Variants in NR2C2 observed in about 807,000 individuals in gnomAD.
NR2C2 encodes nuclear receptor subfamily 2 group C member 2.
A neutral mutation model predicts 62.9 loss-of-function variants in NR2C2; 6 were observed. That is an observed-to-expected ratio of 0.10 (90% CI 0.05 to 0.19). NR2C2 has a LOEUF of 0.19. NR2C2 is among the 10% of genes least tolerant of loss of function. The probability of loss-of-function intolerance (pLI) is 1.00; values close to 1 mark genes in which losing one functional copy is unlikely to be tolerated. For synonymous variants in NR2C2, 272 were observed against 273.8 expected (o/e 0.99, Z 0.07); for missense variants, 479 against 762.7 (o/e 0.63, Z 4.38).
intron 2 of NR2C2, among the ~76,000 whole-genome samples, chr3:15,013,386 A>G (rs1397649455): frequency 6.6e-6 from 1 of 152,254 alleles, no homozygotes; most frequent in African/African-American, 2.4e-5. Context: ...GTCCTAGACT[A>G]AAATTAGCTT....
At chr3:15,030,178 C>A in intron 8 of NR2C2, 97 bp from the exon 9 acceptor site, 1 of 1,024,724 alleles carries the variant, frequency 9.8e-7, no homozygotes, top group Non-Finnish European at 1.4e-6. Context: ...ATTTAATTAT[C>A]TTTTCCCACT....
At chr3:14,960,525 T>C (rs2039662065) in intron 1 of NR2C2, among the ~76,000 whole-genome samples, 1 of 152,222 alleles carries the variant, frequency 6.6e-6, no homozygotes, top group South Asian at 2.1e-4. Flanking sequence ...CATAATTTGA[T>C]GTATCAAGCC....
chr3:14,974,214 G>A (rs754463391), intron 1 of NR2C2, among the ~76,000 whole-genome samples: 9 of 152,052 alleles, frequency 5.9e-5, no homozygotes, highest in Non-Finnish European at 1.3e-4. Flanking sequence ...ATTTCACTTA[G>A]CATAATATCC....
At chr3:15,000,747 T>C (rs573693809) in intron 1 of NR2C2, among the ~76,000 whole-genome samples, 5 of 152,270 alleles carry the variant, frequency 3.3e-5, no homozygotes, top group East Asian at 1.9e-4. Flanking sequence ...ATTGAATCTT[T>C]AGATCAATTT....
intron 1 of NR2C2, among the ~76,000 whole-genome samples, chr3:14,999,256 C>A (rs933902243): frequency 6.6e-6 from 1 of 151,866 alleles, no homozygotes; most frequent in Non-Finnish European, 1.5e-5. Flanking sequence ...GCAGAGGTTG[C>A]GATGAGCCGA....
intron 1 of NR2C2, among the ~76,000 whole-genome samples, chr3:14,970,912 G>T (rs1003897007): frequency 1.3e-5 from 2 of 152,108 alleles, no homozygotes; most frequent in Non-Finnish European, 2.9e-5. Context: ...ATATGCATTT[G>T]GTAGAAGCCA....
In NR2C2 at chr3:15,045,074, C is replaced by CA. The variant is rs1428388191; in HGVS notation, c.*2072dup. 1.3e-5 allele frequency: 2 copies of CA among 152,120 alleles called. No individual in the cohort carries two copies. Among genetic ancestry groups the CA allele is most frequent in the African/African-American group, 2.4e-5 (1 of 41,430 alleles). The allele number at this position is 152,120 out of a possible 1,614,324, so 9.4% of individuals were successfully genotyped here. On this transcript the variant is annotated 3_prime_UTR_variant, in exon 14 of 14. Transcript: ENST00000425241. ...TGTGTTTTCAGTTTCAAAATTAAGA[C>CA]AAAAAACCAGCTGAGACAATGGAAT... is the stretch of plus-strand genomic sequence containing the variant.
At chr3:15,017,364 C>T (rs1431850014) in intron 4 of NR2C2, among the ~76,000 whole-genome samples, 1 of 152,196 alleles carries the variant, frequency 6.6e-6, no homozygotes, top group Non-Finnish European at 1.5e-5. Flanking sequence ...ATTGCCCTTT[C>T]CTACAGATTA....
intron 1 of NR2C2, among the ~76,000 whole-genome samples, chr3:14,964,069 AC>A (rs2039766789): frequency 1.3e-5 from 2 of 152,228 alleles, no homozygotes; most frequent in Non-Finnish European, 2.9e-5. Context: ...TCCTCATTTA[AC>A]GTTATCAGTG....
At position 14,998,874 on chromosome 3, in the gene NR2C2, C is replaced by T. The variant is rs533184279; in HGVS notation, c.-39-5002C>T. Among the ~76,000 whole-genome samples the T allele has an allele frequency of 1.1e-4, 16 of 152,064 alleles. 1 individual carries two copies. Among genetic ancestry groups the T allele is most frequent in the Admixed American group, 7.9e-4 (12 of 15,282 alleles). On this transcript the variant is annotated intron_variant, in intron 1 of 13. Coordinates refer to ENST00000425241, the MANE Select transcript of NR2C2 (RefSeq NM_001291694.2). The stretch of plus-strand genomic sequence containing the variant: ...AAAATATTTAAAATTAGGTGGCGCA[C>T]GCCCATAGTCCCAGTTACATGGGGG...
intron 1 of NR2C2, among the ~76,000 whole-genome samples, chr3:14,973,260 C>G (rs2040103036): frequency 6.6e-6 from 1 of 151,924 alleles, no homozygotes; most frequent in African/African-American, 2.4e-5. Flanking sequence ...GGGTCTTGCT[C>G]TGTCACTCAG....
intron 2 of NR2C2, among the ~76,000 whole-genome samples, chr3:15,006,544 G>T (rs1224437416): frequency 2.0e-5 from 3 of 152,106 alleles, no homozygotes; most frequent in African/African-American, 7.2e-5. Flanking sequence ...AGCTGGTTTT[G>T]GGTTGAGGGA....
In NR2C2 at chr3:15,025,048, G is replaced by A. The variant is rs531187693; in HGVS notation, c.798+840G>A. ...TGCCTTGGTCCTCAGGCTGGGCCTTGCACCTTCTGTCTTTGGGCAGGGGCC... is the reference window on the plus strand; with the variant it reads ...TGCCTTGGTCCTCAGGCTGGGCCTTACACCTTCTGTCTTTGGGCAGGGGCC... On this transcript the variant is annotated intron_variant, in intron 7 of 13. Transcript: ENST00000425241. 3.9e-4 allele frequency among the ~76,000 whole-genome samples: 60 copies of A among 152,364 alleles called. 1 individual carries two copies. In the South Asian group the frequency reaches 0.012, roughly 32 times the overall value.
chr3:14,962,061 G>A (rs936335642), intron 1 of NR2C2, among the ~76,000 whole-genome samples: 2 of 152,128 alleles, frequency 1.3e-5, no homozygotes, highest in Non-Finnish European at 2.9e-5. Flanking sequence ...TTCTTATTCA[G>A]CATACTGTGA....
chr3:14,965,847 T>C (rs1435964925), intron 1 of NR2C2, among the ~76,000 whole-genome samples: 1 of 152,022 alleles, frequency 6.6e-6, no homozygotes, highest in Non-Finnish European at 1.5e-5. Context: ...GTATTTGTCG[T>C]AGAGACAGGG....
intron 2 of NR2C2, among the ~76,000 whole-genome samples, chr3:15,009,478 A>G (rs2041289039): frequency 6.6e-6 from 1 of 152,236 alleles, no homozygotes; most frequent in Admixed American, 6.5e-5. Context: ...CAAATTATTT[A>G]CTAACATATC....
intron 1 of NR2C2, among the ~76,000 whole-genome samples, chr3:14,997,549 G>A (rs909825242): frequency 1.3e-5 from 2 of 152,056 alleles, no homozygotes; most frequent in African/African-American, 4.8e-5. Context: ...ATGGATCCTG[G>A]GAGACATACC....
At chr3:15,016,017 GT>G (rs2041500652) in intron 3 of NR2C2, 134 bp from the exon 4 acceptor site, 2 of 632,342 alleles carry the variant, frequency 3.2e-6, no homozygotes, top group Non-Finnish European at 5.7e-6. Context: ...AGTCAGGCTG[GT>G]CTCGAACTCC....
At chr3:15,004,486 TATATA>T in intron 2 of NR2C2, 1 of 1,387,976 alleles carries the variant, frequency 7.2e-7, no homozygotes, top group Non-Finnish European at 9.7e-7. Flanking sequence ...ATTTACTAAT[TATATA>T]ATAACTTATT....
Sources: gnomAD v4.1 joint callset for allele counts (sites outside exome capture counted in the v4.1 genomes callset) on GRCh38, gnomAD v4.1.1 for gene constraint, MANE v1.5 for transcripts, NCBI Gene and HGNC (gene_info 2026-07-23, HGNC 2026-07-21) for gene names.